PSME4: variants seen among roughly 807,000 people sequenced by gnomAD.
PSME4 encodes the protein proteasome activator complex subunit 4.
Under a neutral mutation model 253.9 loss-of-function variants are expected in PSME4, and 89 were observed. That is an observed-to-expected ratio of 0.35 (90% confidence interval 0.30 to 0.42). PSME4 has a LOEUF of 0.42. Among genes scored for constraint, PSME4 ranks in the 10% least tolerant of loss-of-function variants. PSME4 has a pLI of 1.00. For synonymous variants in PSME4, 851 were observed against 759.2 expected (o/e 1.12, Z -1.99); for missense variants, 2,014 against 2,195.2 (o/e 0.92, Z 1.65).
In PSME4 at chr2:53,970,751, G is replaced by A. The variant is rs901323669; in HGVS notation, c.34C>T (p.Pro12Ser). 6 of 1,544,866 alleles carry A rather than the reference G, an allele frequency of 3.9e-6. No individual in the cohort carries two copies. The highest frequency in any genetic ancestry group is 2.8e-5 in the African/African-American group (2 of 72,564). The change falls in exon 1 of 47, where the codon CCC (proline) becomes TCC (serine). Residue 12 changes from proline to serine, a missense_variant. By Grantham distance (74) the Pro-to-Ser change is moderately conservative. Transcript: ENST00000404125. Reference sequence around the variant, plus strand: ...TCGGGACGCCCGCCCGGCTCCGGGGGCTCTCCGACTCCCGCCCGCTCGGCC... The same window carrying A: ...TCGGGACGCCCGCCCGGCTCCGGGGACTCTCCGACTCCCGCCCGCTCGGCC... ...EPAERAGVGE[P>S]PEPGGRPEPG...
intron 32 of PSME4, among the ~76,000 whole-genome samples, chr2:53,896,141 C>A (rs1680126884): frequency 6.6e-6 from 1 of 152,142 alleles, no homozygotes; most frequent in African/African-American, 2.4e-5. Flanking sequence ...TCTCTCCACA[C>A]ATACTTATCT....
At position 53,934,640 on chromosome 2, in the gene PSME4, T is replaced by C. The variant is rs1274112348; in HGVS notation, c.922A>G (p.Ile308Val). The change falls in exon 8 of 47, where the codon ATA (isoleucine) becomes GTA (valine). Residue 308 changes from isoleucine (I) to valine (V), a missense_variant. Physicochemically the swap from Ile to Val is conservative, Grantham distance 29. This residue lies in a region of PSME4 where 615 missense variants were observed against 594.4 expected (regional missense o/e 1.03). Coordinates refer to ENST00000404125, the MANE Select transcript of PSME4 (RefSeq NM_014614.3). Reference sequence around the variant, plus strand: ...GTGATCCATATTACAGCATGTCCTATATCATAAGCATTTGTTAAAAATCTT... The same window carrying C: ...GTGATCCATATTACAGCATGTCCTACATCATAAGCATTTGTTAAAAATCTT... ...VPRFLTNAYD[I>V]GHAVIWITAM... The C allele has an allele frequency of 6.2e-7, 1 of 1,612,912 alleles. No individual in the cohort carries two copies. Among genetic ancestry groups the C allele is most frequent in the Non-Finnish European group, 8.5e-7 (1 of 1,179,080 alleles).
At chr2:53,934,868 T>C in intron 7 of PSME4, 141 bp from the exon 8 acceptor site, 1 of 659,532 alleles carries the variant, frequency 1.5e-6, no homozygotes, top group Non-Finnish European at 2.5e-6. Context: ...TAGTATTTAG[T>C]AACTTGCTTT....
intron 19 of PSME4, 83 bp from the exon 20 acceptor site, chr2:53,919,329 C>T (rs929181059): frequency 1.0e-5 from 15 of 1,431,860 alleles, no homozygotes; most frequent in African/African-American, 4.4e-5. Flanking sequence ...AGTTTTCTCA[C>T]GTGGGGATAT....
At chr2:53,922,719 T>G in intron 16 of PSME4, 135 bp from the exon 17 acceptor site, 1 of 1,143,654 alleles carries the variant, frequency 8.7e-7, no homozygotes, top group Non-Finnish European at 1.2e-6. Context: ...TTCTTCTTCA[T>G]GAAGCTGAGC....
intron 19 of PSME4, among the ~76,000 whole-genome samples, chr2:53,919,878 G>A (rs185932608): frequency 7.2e-5 from 11 of 151,992 alleles, no homozygotes; most frequent in African/African-American, 2.7e-4. Flanking sequence ...TAAAATCTTA[G>A]CTGAGTCTAG....
intron 12 of PSME4, among the ~76,000 whole-genome samples, chr2:53,926,242 T>C (rs1053315313): frequency 2.0e-5 from 3 of 152,204 alleles, no homozygotes; most frequent in Non-Finnish European, 2.9e-5. Context: ...ATTAATGTTA[T>C]TTTACAAGGG....
At chr2:53,903,378 A>G (rs999509714) in intron 27 of PSME4, among the ~76,000 whole-genome samples, 4 of 152,180 alleles carry the variant, frequency 2.6e-5, no homozygotes, top group Non-Finnish European at 5.9e-5. Flanking sequence ...CTCATATTCA[A>G]TCAACAAGTC....
chr2:53,964,459 A>C (rs979292144), intron 1 of PSME4, among the ~76,000 whole-genome samples: 3 of 152,164 alleles, frequency 2.0e-5, no homozygotes, highest in African/African-American at 7.2e-5. Flanking sequence ...CAACTTTCTC[A>C]CTACAAAGAA....
intron 3 of PSME4, 131 bp downstream of exon 3, chr2:53,948,290 A>T: frequency 2.9e-6 from 2 of 679,088 alleles, no homozygotes; most frequent in Non-Finnish European, 5.3e-6. Flanking sequence ...TCAGGAGTCA[A>T]ATTACACAGA....
At chr2:53,885,839 C>A in intron 40 of PSME4, 64 bp from the exon 41 acceptor site, 1 of 1,182,982 alleles carries the variant, frequency 8.5e-7, no homozygotes, top group African/African-American at 1.5e-5. Context: ...CAAAGTAGAA[C>A]AATATTGTAA....
rs959768969 is a variant in PSME4 at position 53,970,985 on chromosome 2, G to C, written c.-201C>G. 8 of 464,610 alleles carry C rather than the reference G, an allele frequency of 1.7e-5. No homozygotes were observed. Among genetic ancestry groups the C allele is most frequent in the Non-Finnish European group, 3.0e-5 (8 of 270,470 alleles). 28.8% of individuals were successfully genotyped at this position (464,610 alleles called of 1,614,324 possible). On this transcript the variant is annotated 5_prime_UTR_variant, in exon 1 of 47. Coordinates refer to ENST00000404125, the MANE Select transcript of PSME4 (RefSeq NM_014614.3). ...CTCTCAGTTCGTTGGCGGCGGCAGC[G>C]GCCGCTCTGCCCGCCCCGCACCGGC...
chr2:53,921,181 T>C lies in PSME4; in HGVS notation c.2047-77A>G. The C allele has an allele frequency of 3.1e-6, 5 of 1,588,070 alleles. No individual in the cohort carries two copies. The South Asian group carries it at 5.7e-5, about 18-fold the overall frequency. Reference sequence around the variant, plus strand: ...CCAATCATTAATGCAAAGTTCAATGTTTGGCCACTAACCTAGTGTTTCTCT... The same window carrying C: ...CCAATCATTAATGCAAAGTTCAATGCTTGGCCACTAACCTAGTGTTTCTCT... On this transcript the variant is annotated intron_variant, in intron 17 of 46. Transcript: ENST00000404125.
At chr2:53,930,386 T>G (rs1668767644) in intron 10 of PSME4, among the ~76,000 whole-genome samples, 1 of 152,052 alleles carries the variant, frequency 6.6e-6, no homozygotes, top group Non-Finnish European at 1.5e-5. Context: ...ACAGATGAAG[T>G]CCCTCCTCTC....
chr2:53,969,101 G>A (rs805310), intron 1 of PSME4, among the ~76,000 whole-genome samples: 46,144 of 152,026 alleles, frequency 0.3, 7,631 homozygotes, highest in South Asian at 0.48. Context: ...CAAAAACCTA[G>A]GAGTCTCACT....
At chr2:53,881,970 A>G (rs1301390200) in intron 41 of PSME4, among the ~76,000 whole-genome samples, 1 of 152,022 alleles carries the variant, frequency 6.6e-6, no homozygotes, top group African/African-American at 2.4e-5. Flanking sequence ...TCTTCCTTTA[A>G]TCTTAAGAAT....
chr2:53,949,289 A>G lies in PSME4; in HGVS notation c.243-6T>C, dbSNP rs1669863142. Reference sequence around the variant, plus strand: ...TCCCATAAAGTCGAATATATCTGCAAGAGAAAAATAGATATACCCTTTAAA... The same window carrying G: ...TCCCATAAAGTCGAATATATCTGCAGGAGAAAAATAGATATACCCTTTAAA... On this transcript the variant is annotated splice_region_variant and splice_polypyrimidine_tract_variant and intron_variant, in intron 1 of 46. Coordinates refer to ENST00000404125, the MANE Select transcript of PSME4 (RefSeq NM_014614.3). 3.9e-6 allele frequency: 6 copies of G among 1,541,582 alleles called. No homozygotes were observed. In the South Asian group the frequency reaches 7.0e-5, roughly 18 times the overall value.
intron 24 of PSME4, 35 bp from the exon 25 acceptor site, chr2:53,906,903 T>C (rs774229539): frequency 1.3e-6 from 2 of 1,595,238 alleles, no homozygotes; most frequent in Non-Finnish European, 1.7e-6. Flanking sequence ...ACTTCAACAT[T>C]TTCCCTAAAT....
Position 53,954,499 on chromosome 2 carries a change from T to C in PSME4, c.243-5216A>G, listed in dbSNP as rs958688644. ...CTATTATACATATTTAAAAATGTAA[T>C]AATAACAAATTAATAAAAATCCTTC... is the stretch of plus-strand genomic sequence containing the variant. On this transcript the variant is annotated intron_variant, in intron 1 of 46. Transcript: ENST00000404125. Among the ~76,000 whole-genome samples the C allele has an allele frequency of 2.6e-5, 4 of 152,212 alleles. No individual in the cohort carries two copies. In the East Asian group the frequency reaches 7.7e-4, roughly 29 times the overall value.
Sources: gnomAD v4.1 joint callset for allele counts (sites outside exome capture counted in the v4.1 genomes callset) on GRCh38, gnomAD v4.1.1 for gene constraint, gnomAD v4.1.1 regional missense constraint, MANE v1.5 for transcripts, NCBI Gene and HGNC (gene_info 2026-07-23, HGNC 2026-07-21) for gene names.